CD1B: variants seen among roughly 807,000 people sequenced by gnomAD.
CD1B encodes the protein T-cell surface glycoprotein CD1b.
In CD1B, 43 loss-of-function variants were observed where a neutral mutation model predicts 39.8. That is an observed-to-expected ratio of 1.08 (90% confidence interval 0.85 to 1.39). The LOEUF (loss-of-function observed/expected upper bound fraction) is 1.39, where lower values mean the gene tolerates loss of function less well. Among genes scored for constraint, CD1B ranks in the 40% most tolerant of loss-of-function variants. The pLI, the probability that CD1B is intolerant of heterozygous loss-of-function variation, is 0.00. For missense variants in CD1B, 495 were observed against 403.8 expected (o/e 1.23, Z -1.94); for synonymous variants, 192 against 152.5 (o/e 1.26, Z -1.91).
chr1:158,312,331 TTC>T, the CD1B span, among the ~76,000 whole-genome samples: 1 of 152,182 alleles, frequency 6.6e-6, no homozygotes, highest in Admixed American at 6.6e-5. Context: ...ACAAACTCTC[TTC>T]TCTCTTGCTG....
At chr1:158,311,639 T>G in the CD1B span, among the ~76,000 whole-genome samples, 1 of 152,182 alleles carries the variant, frequency 6.6e-6, no homozygotes, top group Admixed American at 6.6e-5. Context: ...GGGTCTTACA[T>G]TTAAGTCTTT....
chr1:158,317,133 T>G, the CD1B span, among the ~76,000 whole-genome samples: 1 of 152,050 alleles, frequency 6.6e-6, no homozygotes, highest in African/African-American at 2.4e-5. Context: ...CTTTTTTGGT[T>G]GTGTCTCTGC....
chr1:158,316,796 G>T, the CD1B span, among the ~76,000 whole-genome samples: 1 of 151,750 alleles, frequency 6.6e-6, no homozygotes, highest in Non-Finnish European at 1.5e-5. Flanking sequence ...CTGTGGGTTT[G>T]TCATAGATAG....
In CD1B at chr1:158,331,518, C is replaced by G. The variant is rs1369558818; in HGVS notation, c.-95G>C. ...TCAGTACCCTGTAGTGACTTCTTCT[C>G]TCTTCCAACTGCCAAATCTCTTCCT... On this transcript the variant is annotated 5_prime_UTR_variant, in exon 1 of 6. Coordinates refer to ENST00000368168, the MANE Select transcript of CD1B (RefSeq NM_001764.3). The G allele has an allele frequency of 4.1e-6, 4 of 973,870 alleles. No individual in the cohort carries two copies. The highest frequency in any genetic ancestry group is 2.0e-5 in the Admixed American group (1 of 50,598). The allele number at this position is 973,870 out of a possible 1,614,324, so 60.3% of individuals were successfully genotyped here.
chr1:158,309,894 A>G, the CD1B span, among the ~76,000 whole-genome samples: 19 of 152,152 alleles, frequency 1.2e-4, no homozygotes, highest in African/African-American at 4.3e-4. Flanking sequence ...TAACGAGTCA[A>G]TGGCTGCAGC....
the CD1B span, chr1:158,292,776 T>C: frequency 6.2e-7 from 1 of 1,614,188 alleles, no homozygotes; most frequent in Non-Finnish European, 8.5e-7. Flanking sequence ...ACATGGTATC[T>C]TCAGGTGATC....
At chr1:158,308,101 C>G in the CD1B span, among the ~76,000 whole-genome samples, 225 of 152,174 alleles carry the variant, frequency 1.5e-3, no homozygotes, top group Non-Finnish European at 2.8e-3. Context: ...GTCTCAGCCC[C>G]AAATCTCCTT....
At chr1:158,310,567 T>G in the CD1B span, among the ~76,000 whole-genome samples, 1 of 152,284 alleles carries the variant, frequency 6.6e-6, no homozygotes, top group African/African-American at 2.4e-5. Flanking sequence ...AAACTATGTG[T>G]ATGACAAAGA....
the CD1B span, chr1:158,293,646 C>A: frequency 2.6e-6 from 4 of 1,510,754 alleles, no homozygotes; most frequent in African/African-American, 5.5e-5. Flanking sequence ...TTCTTGGAAT[C>A]TCCACTTTTT....
the CD1B span, among the ~76,000 whole-genome samples, chr1:158,322,889 A>G: frequency 6.6e-6 from 1 of 152,014 alleles, no homozygotes; most frequent in East Asian, 1.9e-4. Context: ...ATTCCCTTAC[A>G]TGTTATTTGC....
chr1:158,310,068 A>G, the CD1B span, among the ~76,000 whole-genome samples: 2 of 152,150 alleles, frequency 1.3e-5, no homozygotes, highest in Non-Finnish European at 2.9e-5. Flanking sequence ...ACTTCAAACT[A>G]TAGTACAAGG....
At chr1:158,311,018 A>G in the CD1B span, among the ~76,000 whole-genome samples, 1 of 152,340 alleles carries the variant, frequency 6.6e-6, no homozygotes, top group South Asian at 2.1e-4. Context: ...CAATTTACCC[A>G]TGTAACAAAC....
chr1:158,305,714 C>G, the CD1B span, among the ~76,000 whole-genome samples: 1 of 152,212 alleles, frequency 6.6e-6, no homozygotes, highest in South Asian at 2.1e-4. Flanking sequence ...GGAAGCCCAT[C>G]AGACTAACAG....
At chr1:158,322,953 G>T (rs1469286435), downstream of CD1B, among the ~76,000 whole-genome samples, 3 of 152,020 alleles carry the variant, frequency 2.0e-5, no homozygotes, top group Non-Finnish European at 2.9e-5. Context: ...AGAGTCAAAG[G>T]GTATGTCTTG....
chr1:158,293,495 C>A, the CD1B span: 1 of 1,614,118 alleles, frequency 6.2e-7, no homozygotes, highest in Non-Finnish European at 8.5e-7. Flanking sequence ...CCCCTGACTC[C>A]CCCATTGTGT....
the CD1B span, among the ~76,000 whole-genome samples, chr1:158,315,766 T>C: frequency 6.6e-6 from 1 of 152,124 alleles, no homozygotes; most frequent in Non-Finnish European, 1.5e-5. Flanking sequence ...GCCTAGGTTT[T>C]CTTGTAGGGT....
At chr1:158,329,302 CA>C in intron 4 of CD1B, 67 bp downstream of exon 4, 1 of 1,541,576 alleles carries the variant, frequency 6.5e-7, no homozygotes, top group Non-Finnish European at 8.8e-7. Context: ...TATCCTTCCC[CA>C]GTGCCTCCCT....
chr1:158,313,683 T>C, the CD1B span, among the ~76,000 whole-genome samples: 2 of 152,154 alleles, frequency 1.3e-5, no homozygotes, highest in Non-Finnish European at 2.9e-5. Context: ...TCTCAAATAA[T>C]AAGTCTGGAC....
the CD1B span, chr1:158,292,527 GGATGTGTGTATGTGGATGTAA>G: frequency 6.5e-7 from 1 of 1,536,132 alleles, no homozygotes; most frequent in South Asian, 1.2e-5. Context: ...ATATTCATGT[GGATGTGTGTATGTGGATGTAA>G]GTTGTGTGTA....
Sources: allele counts gnomAD v4.1 joint callset (sites outside exome capture counted in the v4.1 genomes callset), GRCh38; gene constraint gnomAD v4.1.1; transcripts MANE v1.5; gene names NCBI Gene and HGNC (gene_info 2026-07-23, HGNC 2026-07-21).